The following HIVEP3 variants were observed in gnomAD, a reference collection of about 807,000 sequenced individuals.
HIVEP3 encodes transcription factor HIVEP3.
In HIVEP3, 49 loss-of-function variants were observed where a neutral mutation model predicts 152.8. The observed-to-expected ratio is 0.32, with a 90% CI of 0.26 to 0.41. The LOEUF (loss-of-function observed/expected upper bound fraction) is 0.41. Among genes scored for constraint, HIVEP3 ranks in the 10% least tolerant of loss-of-function variants. The probability of loss-of-function intolerance (pLI) is 1.00; values close to 1 mark genes in which losing one functional copy is unlikely to be tolerated. For missense variants in HIVEP3, 2,790 were observed against 3,103.3 expected (o/e 0.90, Z 2.40); for synonymous variants, 1,269 against 1,289.0 (o/e 0.98, Z 0.33).
chr1:41,843,643 G>GTGACTC (rs1643352737), intron 1 of HIVEP3, among the ~76,000 whole-genome samples: 1 of 151,898 alleles, frequency 6.6e-6, no homozygotes, highest in Admixed American at 6.5e-5. Context: ...TACAGCCAAC[G>GTGACTC]TGACTCACCC....
chr1:41,529,351 A>C (rs1569768512), intron 5 of HIVEP3, among the ~76,000 whole-genome samples: 1 of 108,566 alleles, frequency 9.2e-6, no homozygotes, highest in East Asian at 3.2e-4. Flanking sequence ...ACATGCTGAC[A>C]CCCCCACACT....
chr1:41,893,728 A>G (rs903457695), intron 1 of HIVEP3, among the ~76,000 whole-genome samples: 6 of 149,160 alleles, frequency 4.0e-5, no homozygotes, highest in African/African-American at 9.8e-5. Context: ...GTGTGTGTGT[A>G]TATAGATATA....
At chr1:41,819,321 T>C (rs1642515931) in intron 1 of HIVEP3, among the ~76,000 whole-genome samples, 1 of 152,180 alleles carries the variant, frequency 6.6e-6, no homozygotes, top group Non-Finnish European at 1.5e-5. Context: ...ATTGTTCCAT[T>C]TGTCTTTTTT....
intron 1 of HIVEP3, among the ~76,000 whole-genome samples, chr1:41,800,507 C>T (rs1309287992): frequency 2.6e-5 from 4 of 152,242 alleles, no homozygotes; most frequent in Non-Finnish European, 5.9e-5. Context: ...CCCAGCTCAG[C>T]CCCACCACCA....
intron 1 of HIVEP3, among the ~76,000 whole-genome samples, chr1:41,884,609 A>T (rs893318847): frequency 2.0e-5 from 3 of 152,228 alleles, no homozygotes; most frequent in Non-Finnish European, 2.9e-5. Context: ...TCAAAAATTT[A>T]AAATCCTGAA....
intron 1 of HIVEP3, among the ~76,000 whole-genome samples, chr1:41,857,496 C>T (rs1024346384): frequency 6.7e-6 from 1 of 149,356 alleles, no homozygotes; most frequent in South Asian, 2.1e-4. Context: ...TCAGTTTAAC[C>T]AAGTATAGAA....
At chr1:41,693,486 C>T (rs1361371906) in intron 2 of HIVEP3, among the ~76,000 whole-genome samples, 1 of 152,198 alleles carries the variant, frequency 6.6e-6, no homozygotes, top group Non-Finnish European at 1.5e-5. Flanking sequence ...ATAGCCTCTG[C>T]CCATTTTTCC....
intron 1 of HIVEP3, among the ~76,000 whole-genome samples, chr1:41,988,355 T>C (rs867071326): frequency 6.6e-6 from 1 of 152,104 alleles, no homozygotes; most frequent in African/African-American, 2.4e-5. Flanking sequence ...ATACCCAAAA[T>C]ATATAAGAAA....
intron 2 of HIVEP3, among the ~76,000 whole-genome samples, chr1:41,690,318 G>T (rs957513554): frequency 6.6e-6 from 1 of 152,224 alleles, no homozygotes; most frequent in Admixed American, 6.5e-5. Flanking sequence ...TGGCTCAAGG[G>T]GCAGGGGATG....
chr1:41,649,695 G>A (rs1645516596), intron 2 of HIVEP3, among the ~76,000 whole-genome samples: 1 of 152,304 alleles, frequency 6.6e-6, no homozygotes. Flanking sequence ...GTCATGCCCA[G>A]TGGCTCAGGA....
chr1:41,977,916 GA>G (rs1557547218), intron 1 of HIVEP3, among the ~76,000 whole-genome samples: 1 of 152,172 alleles, frequency 6.6e-6, no homozygotes, highest in East Asian at 1.9e-4. Flanking sequence ...TGAGGTCTAC[GA>G]ACATCATGTA....
intron 1 of HIVEP3, among the ~76,000 whole-genome samples, chr1:41,780,830 T>C: frequency 6.6e-6 from 1 of 152,122 alleles, no homozygotes; most frequent in East Asian, 1.9e-4. Flanking sequence ...TGGAAGGTAG[T>C]GCAGGCCTGA....
At position 41,510,332 on chromosome 1, in the gene HIVEP3, T is replaced by G; in HGVS notation, c.*119A>C. On this transcript the variant is annotated 3_prime_UTR_variant, in exon 9 of 9. Transcript: ENST00000372583. ...TGGGAAGGTACAACAGATGGGGCCG[T>G]GAGAGCTCCTGGACGGAGGGACAGA... is the stretch of plus-strand genomic sequence containing the variant. The G allele has an allele frequency of 1.2e-6, 1 of 837,110 alleles. No homozygotes were observed. The highest frequency in any genetic ancestry group is 1.7e-6 in the Non-Finnish European group (1 of 591,292). 51.9% of individuals were successfully genotyped at this position (837,110 alleles called of 1,614,324 possible).
At chr1:41,991,749 A>T (rs1174680042) in intron 1 of HIVEP3, among the ~76,000 whole-genome samples, 1 of 149,162 alleles carries the variant, frequency 6.7e-6, no homozygotes, top group Non-Finnish European at 1.5e-5. Context: ...AAAATCCTCA[A>T]TAAAATACTG....
At chr1:41,575,124 T>C (rs562386121) in intron 5 of HIVEP3, among the ~76,000 whole-genome samples, 2 of 152,220 alleles carry the variant, frequency 1.3e-5, no homozygotes, top group East Asian at 3.9e-4. Flanking sequence ...AAGTGCCCCA[T>C]GGGAAACCAG....
intron 1 of HIVEP3, among the ~76,000 whole-genome samples, chr1:41,761,219 TA>T (rs1647655993): frequency 6.6e-6 from 1 of 152,104 alleles, no homozygotes; most frequent in African/African-American, 2.4e-5. Flanking sequence ...TGTGTATGCA[TA>T]TGTGTGTGTG....
At chr1:41,973,508 C>T (rs1645242323) in intron 1 of HIVEP3, among the ~76,000 whole-genome samples, 1 of 152,148 alleles carries the variant, frequency 6.6e-6, no homozygotes, top group South Asian at 2.1e-4. Context: ...GCCATGTGAG[C>T]GTCTCTGACA....
rs1361010135 is a variant in HIVEP3, at chr1:41,582,414, T to C, written c.2384A>G (p.Lys795Arg). 1.9e-6 allele frequency: 3 copies of C among 1,614,152 alleles called. No individual in the cohort carries two copies. The highest frequency in any genetic ancestry group is 2.5e-6 in the Non-Finnish European group (3 of 1,180,014). The change falls in exon 4 of 9, where the codon AAA becomes AGA. Residue 795 changes from lysine to arginine, a missense_variant. Transcript: ENST00000372583. This position sits in a 1 kb window ranked among gnomAD's most constrained non-coding sequence, Gnocchi z 4.7. ...GGTGTGCTGGATGACAGAAATTTCT[T>C]TGGACGTTGTTCTCCTCTCCTTCCC... ...ESGKERRTTS[K>R]EISVIQHTSS...
chr1:41,845,425 A>G (rs904084251), intron 1 of HIVEP3, among the ~76,000 whole-genome samples: 806 of 58,480 alleles, frequency 0.014, 6 homozygotes, highest in African/African-American at 0.051. Context: ...ACACGCACAC[A>G]CACACACACA....
Sources: gnomAD v4.1 joint callset for allele counts (sites outside exome capture counted in the v4.1 genomes callset) on GRCh38, gnomAD v4.1.1 for gene constraint, Gnocchi (gnomAD v3.1) non-coding constraint, MANE v1.5 for transcripts, NCBI Gene and HGNC (gene_info 2026-07-23, HGNC 2026-07-21) for gene names.